The following THSD7B variants were observed in gnomAD, a reference collection of about 807,000 sequenced individuals.
The protein encoded by THSD7B is thrombospondin type-1 domain-containing protein 7B.
A neutral mutation model predicts 213.6 loss-of-function variants in THSD7B; 138 were observed. That is an observed-to-expected ratio of 0.65 (90% CI 0.56 to 0.74). The LOEUF is 0.74. Ranked by LOEUF, THSD7B falls within the 30% of genes least tolerant of loss-of-function variation. THSD7B has a pLI of 0.00. For synonymous variants in THSD7B, 742 were observed against 687.0 expected (o/e 1.08, Z -1.25); for missense variants, 1,931 against 1,991.5 (o/e 0.97, Z 0.58).
intron 17 of THSD7B, among the ~76,000 whole-genome samples, chr2:137,582,042 G>A (rs966809847): frequency 6.6e-6 from 1 of 151,634 alleles, no homozygotes; most frequent in African/African-American, 2.4e-5. Flanking sequence ...GTTGCAGGAG[G>A]TTGCAGTGAG....
chr2:136,774,356 G>T (rs13392220), intron 1 of THSD7B, among the ~76,000 whole-genome samples: 36,667 of 151,846 alleles, frequency 0.24, 5,495 homozygotes, highest in Non-Finnish European at 0.33. Flanking sequence ...GTAATTTTTT[G>T]GTAGATTTGA....
intron 2 of THSD7B, among the ~76,000 whole-genome samples, chr2:136,912,960 G>T (rs549782528): frequency 1.5e-3 from 235 of 152,318 alleles, no homozygotes; most frequent in African/African-American, 5.6e-3. Flanking sequence ...AGCGACTTTG[G>T]AACTGAGTAA....
chr2:136,937,963 A>T (rs933061099), intron 2 of THSD7B, among the ~76,000 whole-genome samples: 1 of 152,178 alleles, frequency 6.6e-6, no homozygotes, highest in African/African-American at 2.4e-5. Flanking sequence ...GTATTGAGAC[A>T]CCCTCTGATT....
chr2:137,563,154 A>G, intron 15 of THSD7B, 67 bp from the exon 16 acceptor site: 3 of 1,544,660 alleles, frequency 1.9e-6, no homozygotes, highest in Admixed American at 1.8e-5. Flanking sequence ...GCATTACTAA[A>G]AGATAGGCTA....
intron 12 of THSD7B, among the ~76,000 whole-genome samples, chr2:137,307,093 G>A (rs575625926): frequency 1.1e-3 from 173 of 152,132 alleles, no homozygotes; most frequent in Non-Finnish European, 2.0e-3. Context: ...AAACTAGTTC[G>A]AAACATGAGC....
At position 136,933,137 on chromosome 2, in the gene THSD7B, TTCC is replaced by T. The variant is rs1409079836; in HGVS notation, c.139+50822_139+50824del. 5.2e-5 allele frequency among the ~76,000 whole-genome samples: 3 copies of T among 57,764 alleles called. No homozygotes were observed. The East Asian group carries it at 6.8e-4, about 13-fold the overall frequency. The allele number at this position is 57,764 out of a possible 152,430, so 37.9% of individuals were successfully genotyped here. A position where few individuals can be genotyped will look rare whatever the true frequency, so the allele number is the denominator to read the frequency against. On this transcript the variant is annotated intron_variant, in intron 2 of 27. Transcript: ENST00000409968. ...CTTCCTTCCTTCCTTCCTTCCTTCCTTCCTTCCTTCCTTCCTTCCTTCCTTCCT... is the reference window on the plus strand; with the variant it reads ...CTTCCTTCCTTCCTTCCTTCCTTCCTTTCCTTCCTTCCTTCCTTCCTTCCT...
intron 15 of THSD7B, among the ~76,000 whole-genome samples, chr2:137,455,753 A>G (rs1003440896): frequency 1.3e-5 from 2 of 152,208 alleles, no homozygotes; most frequent in African/African-American, 4.8e-5. Context: ...TGCTTTGTAT[A>G]TTGAAATACC....
At chr2:137,589,993 A>T (rs1243137253) in intron 17 of THSD7B, among the ~76,000 whole-genome samples, 1 of 151,504 alleles carries the variant, frequency 6.6e-6, no homozygotes, top group Non-Finnish European at 1.5e-5. Flanking sequence ...AATCATAGAA[A>T]ATTTGAGTGA....
chr2:137,539,922 T>G (rs781613562), intron 15 of THSD7B, among the ~76,000 whole-genome samples: 8 of 151,730 alleles, frequency 5.3e-5, no homozygotes, highest in Non-Finnish European at 1.2e-4. Flanking sequence ...ATCTTATTGA[T>G]TAGTATATAT....
At chr2:137,189,351 C>G (rs1680613107) in intron 7 of THSD7B, among the ~76,000 whole-genome samples, 1 of 152,166 alleles carries the variant, frequency 6.6e-6, no homozygotes, top group South Asian at 2.1e-4. Context: ...CAACAAAAAT[C>G]CCCCTGTATA....
At chr2:136,960,853 GC>G (rs1685204224) in intron 2 of THSD7B, among the ~76,000 whole-genome samples, 1 of 151,500 alleles carries the variant, frequency 6.6e-6, no homozygotes, top group Admixed American at 6.6e-5. Context: ...TCTTAGGGAG[GC>G]CGAGGTGGGC....
At chr2:137,370,823 C>T (rs1685523255) in intron 12 of THSD7B, among the ~76,000 whole-genome samples, 1 of 152,016 alleles carries the variant, frequency 6.6e-6, no homozygotes, top group Admixed American at 6.6e-5. Flanking sequence ...TATGCATGTA[C>T]ACTTCCCATC....
chr2:137,624,539 C>G (rs886422968), intron 20 of THSD7B, among the ~76,000 whole-genome samples: 1 of 152,124 alleles, frequency 6.6e-6, no homozygotes, highest in African/African-American at 2.4e-5. Context: ...AACAGGCAAC[C>G]TACAGAATGG....
At chr2:137,654,244 G>A (rs1239909207) in intron 21 of THSD7B, among the ~76,000 whole-genome samples, 4 of 152,164 alleles carry the variant, frequency 2.6e-5, no homozygotes, top group African/African-American at 9.7e-5. Context: ...TATCCCAATA[G>A]TGTGAGAAGG....
intron 3 of THSD7B, among the ~76,000 whole-genome samples, chr2:137,079,240 A>G (rs1363644970): frequency 6.6e-6 from 1 of 152,126 alleles, no homozygotes; most frequent in Non-Finnish European, 1.5e-5. Context: ...TTAAATATAT[A>G]TGTACTTAAT....
At chr2:137,463,086 G>C (rs750142626) in intron 15 of THSD7B, among the ~76,000 whole-genome samples, 1 of 152,092 alleles carries the variant, frequency 6.6e-6, no homozygotes, top group South Asian at 2.1e-4. Context: ...ATTTGAGCTT[G>C]CTCTATTTCC....
At chr2:137,228,131 C>A (rs1188142205) in intron 7 of THSD7B, among the ~76,000 whole-genome samples, 1 of 139,730 alleles carries the variant, frequency 7.2e-6, no homozygotes, top group Non-Finnish European at 1.5e-5. Context: ...GCAGCTGAAA[C>A]CTCACTGTGC....
chr2:137,015,646 G>T (rs1686324742), intron 2 of THSD7B, among the ~76,000 whole-genome samples: 1 of 152,148 alleles, frequency 6.6e-6, no homozygotes, highest in Non-Finnish European at 1.5e-5. Flanking sequence ...TCTTCCTGGT[G>T]CAGCTGGTGT....
intron 1 of THSD7B, among the ~76,000 whole-genome samples, chr2:136,789,628 A>G (rs894555371): frequency 3.3e-5 from 5 of 152,160 alleles, no homozygotes; most frequent in Non-Finnish European, 5.9e-5. Flanking sequence ...TGCTCTCAAG[A>G]TGCTTGCAAC....
Sources: gnomAD v4.1 joint callset for allele counts (sites outside exome capture counted in the v4.1 genomes callset) on GRCh38, gnomAD v4.1.1 for gene constraint, MANE v1.5 for transcripts, NCBI Gene and HGNC (gene_info 2026-07-23, HGNC 2026-07-21) for gene names.